Variants in GRIK1 observed in about 807,000 individuals in gnomAD.
GRIK1 encodes the protein glutamate receptor ionotropic, kainate 1.
A neutral mutation model predicts 105.7 loss-of-function variants in GRIK1; 69 were observed. The observed-to-expected ratio is 0.65, with a 90% CI of 0.54 to 0.80. GRIK1 has a LOEUF of 0.80. Ranked by LOEUF, GRIK1 falls within the 30% of genes least tolerant of loss-of-function variation. GRIK1 has a pLI of 0.00. For missense variants in GRIK1, 1,109 were observed against 1,167.3 expected (o/e 0.95, Z 0.73); for synonymous variants, 438 against 431.3 (o/e 1.02, Z -0.19).
chr21:29,779,922 A>G (rs1012789075), intron 1 of GRIK1, among the ~76,000 whole-genome samples: 1 of 152,174 alleles, frequency 6.6e-6, no homozygotes, highest in Non-Finnish European at 1.5e-5. Flanking sequence ...AAGAAAAAAA[A>G]CCCTCATGCC....
At chr21:29,692,480 A>G (rs576978272) in intron 2 of GRIK1, among the ~76,000 whole-genome samples, 16 of 152,334 alleles carry the variant, frequency 1.1e-4, no homozygotes, top group African/African-American at 3.8e-4. Context: ...GACAATTTTG[A>G]CCCATATGAT....
Position 29,894,088 on chromosome 21 carries a change from T to C in GRIK1, c.118+45295A>G, listed in dbSNP as rs60524943. 4.1e-3 allele frequency among the ~76,000 whole-genome samples: 628 copies of C among 152,264 alleles called. 5 individuals are homozygous for C. Among genetic ancestry groups the C allele is most frequent in the African/African-American group, 0.014 (598 of 41,556 alleles). Reference sequence around the variant, plus strand: ...AATAGTGAGAGGTAGGGCTGGGTAGTCACAAAGTGGATTGATGAAGAAGGG... The same window carrying C: ...AATAGTGAGAGGTAGGGCTGGGTAGCCACAAAGTGGATTGATGAAGAAGGG... On this transcript the variant is annotated intron_variant, in intron 1 of 17. Transcript: ENST00000327783.
At chr21:29,765,665 C>G (rs535084046) in intron 1 of GRIK1, among the ~76,000 whole-genome samples, 1 of 152,006 alleles carries the variant, frequency 6.6e-6, no homozygotes, top group African/African-American at 2.4e-5. Flanking sequence ...AATCCTGCTT[C>G]GAATGGGGAC....
intron 7 of GRIK1, among the ~76,000 whole-genome samples, chr21:29,622,646 C>T (rs1039331154): frequency 1.3e-5 from 2 of 152,142 alleles, no homozygotes; most frequent in East Asian, 1.9e-4. Context: ...GGGGACCATG[C>T]ACATTTGGAT....
At position 29,693,917 on chromosome 21, in the gene GRIK1, T is replaced by C. The variant is rs781487517; in HGVS notation, c.265A>G (p.Ser89Gly). 1 of 1,613,274 alleles carries C rather than the reference T, an allele frequency of 6.2e-7. No homozygotes were observed. The highest frequency in any genetic ancestry group is 8.5e-7 in the Non-Finnish European group (1 of 1,179,398). ...YDIQRINLFD[S>G]FEASRRACDQ... ...TTACCTCTCCGCGAGGCTTCAAAAC[T>C]ATCAAAAAGGTTAATTCTCTGGATG... The change falls in exon 2 of 18, where the codon AGT becomes GGT. Residue 89 changes from serine (S) to glycine (G), a missense_variant. Coordinates refer to ENST00000327783, the MANE Select transcript of GRIK1 (RefSeq NM_001330994.2).
chr21:29,669,204 CTA>C (rs1432817102), intron 4 of GRIK1, among the ~76,000 whole-genome samples: 1 of 152,122 alleles, frequency 6.6e-6, no homozygotes, highest in Non-Finnish European at 1.5e-5. Context: ...CCAAGAATAA[CTA>C]TAGACTTTTC....
Position 29,560,349 on chromosome 21 carries a change from T to TTC in GRIK1, c.2356+1273_2356+1274dup, listed in dbSNP as rs869239610. On this transcript the variant is annotated intron_variant, in intron 15 of 17. Coordinates refer to ENST00000327783, the MANE Select transcript of GRIK1 (RefSeq NM_001330994.2). Reference sequence around the variant, plus strand: ...TTTCTTTCTTTCTTTCTTTCTTTCTTTCTTTCTTTTTCTTTCTTCCTTCCT... The same window carrying TTC: ...TTTCTTTCTTTCTTTCTTTCTTTCTTTCTCTTTCTTTTTCTTTCTTCCTTCCT... Among the ~76,000 whole-genome samples, 15 of 105,424 alleles carry TTC rather than the reference T, an allele frequency of 1.4e-4. 1 individual carries two copies. The highest frequency in any genetic ancestry group is 5.1e-4 in the African/African-American group (12 of 23,638). The allele number at this position is 105,424 out of a possible 152,430, so 69.2% of individuals were successfully genotyped here.
At chr21:29,873,898 C>T (rs1010130748) in intron 1 of GRIK1, among the ~76,000 whole-genome samples, 2 of 152,094 alleles carry the variant, frequency 1.3e-5, no homozygotes, top group African/African-American at 4.8e-5. Flanking sequence ...AGGCTTGTTT[C>T]GGGATGAAAC....
At chr21:29,783,197 T>A (rs552946487) in intron 1 of GRIK1, among the ~76,000 whole-genome samples, 1 of 152,328 alleles carries the variant, frequency 6.6e-6, no homozygotes, top group Non-Finnish European at 1.5e-5. Flanking sequence ...CTTCTTCCTG[T>A]AAATTTCCTG....
chr21:29,601,304 G>T, intron 7 of GRIK1: 2 of 464,150 alleles, frequency 4.3e-6, no homozygotes, highest in Non-Finnish European at 9.1e-6. Flanking sequence ...CAGGCCTTTA[G>T]ACTCAGACTA....
intron 7 of GRIK1, among the ~76,000 whole-genome samples, chr21:29,625,869 A>C (rs972261371): frequency 3.9e-5 from 6 of 152,140 alleles, no homozygotes; most frequent in Non-Finnish European, 8.8e-5. Context: ...TCCTTTAATT[A>C]AATGGTTGTA....
At position 29,830,318 on chromosome 21, in the gene GRIK1, C is replaced by CACACAA. The variant is rs1601803625; in HGVS notation, c.118+109064_118+109065insTTGTGT. Among the ~76,000 whole-genome samples, 72 of 93,260 alleles carry CACACAA rather than the reference C, an allele frequency of 7.7e-4. 1 individual carries two copies. In the East Asian group the frequency reaches 8.0e-3, roughly 10 times the overall value. 61.2% of individuals were successfully genotyped at this position (93,260 alleles called of 152,430 possible). ...ACCCACCCACCTCCCCACACACACA[C>CACACAA]ACACACACACACACACACACACACA... On this transcript the variant is annotated intron_variant, in intron 1 of 17. Coordinates refer to ENST00000327783, the MANE Select transcript of GRIK1 (RefSeq NM_001330994.2).
chr21:29,607,878 G>A (rs2061653915), intron 7 of GRIK1, among the ~76,000 whole-genome samples: 1 of 152,142 alleles, frequency 6.6e-6, no homozygotes, highest in Non-Finnish European at 1.5e-5. Flanking sequence ...ATTATGTTGA[G>A]TTAGAATTTT....
intron 1 of GRIK1, among the ~76,000 whole-genome samples, chr21:29,727,235 A>G (rs1364025888): frequency 2.6e-5 from 4 of 152,110 alleles, no homozygotes; most frequent in Non-Finnish European, 1.5e-5. Context: ...CTTGGAGTCA[A>G]TTTTTAGAAG....
intron 1 of GRIK1, among the ~76,000 whole-genome samples, chr21:29,927,785 C>T (rs2071429466): frequency 6.6e-6 from 1 of 151,994 alleles, no homozygotes; most frequent in Non-Finnish European, 1.5e-5. Flanking sequence ...GCAGGAGAAT[C>T]ACTTGAACCC....
chr21:29,930,086 G>A (rs950142934), intron 1 of GRIK1, among the ~76,000 whole-genome samples: 1 of 152,160 alleles, frequency 6.6e-6, no homozygotes, highest in African/African-American at 2.4e-5. Context: ...ACATTTAGAT[G>A]ATTCACAATC....
intron 1 of GRIK1, among the ~76,000 whole-genome samples, chr21:29,784,118 G>A (rs1378810506): frequency 2.0e-5 from 3 of 152,054 alleles, no homozygotes; most frequent in Non-Finnish European, 4.4e-5. Context: ...GGATTGTTAC[G>A]TATCTTACCT....
chr21:29,926,725 G>T (rs1344704867), intron 1 of GRIK1, among the ~76,000 whole-genome samples: 1 of 151,856 alleles, frequency 6.6e-6, no homozygotes, highest in Non-Finnish European at 1.5e-5. Flanking sequence ...AGATTTCTGG[G>T]TCTGATTTCT....
At chr21:29,709,199 C>T (rs1476573374) in intron 1 of GRIK1, among the ~76,000 whole-genome samples, 1 of 151,820 alleles carries the variant, frequency 6.6e-6, no homozygotes, top group Non-Finnish European at 1.5e-5. Flanking sequence ...TGTATAGTAG[C>T]ATCACATTGT....
Sources: gnomAD v4.1 joint callset for allele counts (sites outside exome capture counted in the v4.1 genomes callset) on GRCh38, gnomAD v4.1.1 for gene constraint, MANE v1.5 for transcripts, NCBI Gene and HGNC (gene_info 2026-07-23, HGNC 2026-07-21) for gene names.